The following MSI2 variants were observed in gnomAD, a reference collection of about 807,000 sequenced individuals.
The protein encoded by MSI2 is musashi RNA binding protein 2, also known as RNA-binding protein Musashi homolog 2.
Under a neutral mutation model 45.6 loss-of-function variants are expected in MSI2, and 17 were observed. That is an observed-to-expected ratio of 0.37 (90% CI 0.26 to 0.56). The LOEUF is 0.56. MSI2 is among the 20% of genes least tolerant of loss of function. The pLI, the probability that MSI2 is intolerant of heterozygous loss-of-function variation, is 0.77. For missense variants in MSI2, 293 were observed against 444.2 expected, an observed-to-expected ratio of 0.66 and a Z score of 3.06; for synonymous variants, 156 against 158.2, an observed-to-expected ratio of 0.99 and a Z score of 0.11.
intron 6 of MSI2, among the ~76,000 whole-genome samples, chr17:57,441,376 A>G (rs2084797469): frequency 6.6e-6 from 1 of 152,072 alleles, no homozygotes; most frequent in Non-Finnish European, 1.5e-5. Flanking sequence ...CCCATGCCCT[A>G]CACACTGCCT....
intron 5 of MSI2, among the ~76,000 whole-genome samples, chr17:57,315,133 G>A (rs1364881525): frequency 6.6e-6 from 1 of 152,182 alleles, no homozygotes; most frequent in Non-Finnish European, 1.5e-5. Flanking sequence ...AGAGTTTAAA[G>A]CAGGGGTGCG....
At chr17:57,558,977 A>G (rs1032354031) in intron 7 of MSI2, among the ~76,000 whole-genome samples, 9 of 152,222 alleles carry the variant, frequency 5.9e-5, no homozygotes, top group African/African-American at 2.2e-4. Context: ...CGGGAGAATC[A>G]CTTGAACCCA....
intron 8 of MSI2, among the ~76,000 whole-genome samples, chr17:57,612,865 A>G (rs1441774383): frequency 6.6e-6 from 1 of 152,208 alleles, no homozygotes; most frequent in Non-Finnish European, 1.5e-5. Flanking sequence ...GGTTAGCGGT[A>G]TTATTCCCCT....
In MSI2 at chr17:57,257,082, T is replaced by C. The variant is rs1906825802; in HGVS notation, c.63-16T>C. 1.2e-6 allele frequency: 2 copies of C among 1,600,462 alleles called. No homozygotes were observed. The highest frequency in any genetic ancestry group is 1.1e-5 in the South Asian group (1 of 90,422). ...CTGACATCGGTGCTCACTTCTGTTA[T>C]GTTTTCTCCCTCTAGTAAAATGTTT... On this transcript the variant is annotated splice_polypyrimidine_tract_variant and intron_variant, in intron 1 of 13. Coordinates refer to ENST00000284073, the MANE Select transcript of MSI2 (RefSeq NM_138962.4).
intron 6 of MSI2, among the ~76,000 whole-genome samples, chr17:57,409,900 C>T (rs1165428529): frequency 4.7e-5 from 7 of 149,324 alleles, no homozygotes; most frequent in Middle Eastern, 3.3e-3. Context: ...CCCAGCTACT[C>T]GGGAGGTTGA....
intron 10 of MSI2, 133 bp from the exon 11 acceptor site, chr17:57,651,966 C>A: frequency 1.3e-6 from 1 of 767,236 alleles, no homozygotes; most frequent in Non-Finnish European, 2.2e-6. Context: ...CTCTCAAAAG[C>A]TGCCCTGTGA....
At chr17:57,659,007 C>T (rs1180596574) in intron 11 of MSI2, among the ~76,000 whole-genome samples, 4 of 151,926 alleles carry the variant, frequency 2.6e-5, no homozygotes, top group Non-Finnish European at 1.5e-5. Context: ...AGCATGTGCC[C>T]GGGTGTATCA....
At chr17:57,504,198 G>A (rs1023869845) in intron 6 of MSI2, among the ~76,000 whole-genome samples, 1 of 152,134 alleles carries the variant, frequency 6.6e-6, no homozygotes, top group African/African-American at 2.4e-5. Flanking sequence ...TCTTCCTGCA[G>A]GGCACCCTCC....
In MSI2 at chr17:57,575,671, C is replaced by G. The variant is rs188614496; in HGVS notation, c.455-21197C>G. On this transcript the variant is annotated intron_variant, in intron 7 of 13. Transcript: ENST00000284073. ...GGTAGAAATTGGAAAAGGAGCCGGGCGCGGTGGCTCAGGCCTGTAATCCCA... is the reference window on the plus strand; with the variant it reads ...GGTAGAAATTGGAAAAGGAGCCGGGGGCGGTGGCTCAGGCCTGTAATCCCA... Among the ~76,000 whole-genome samples the G allele has an allele frequency of 8.0e-4, 122 of 152,198 alleles. No individual in the cohort carries two copies. The East Asian group carries it at 0.022, about 28-fold the overall frequency.
rs952294593 is a variant in MSI2 at position 57,612,025 on chromosome 17, A to G, written c.538-3945A>G. ...AGTACATGACTAGAACCGAAAAGAT[A>G]GACCACTTTTTACCCTTTTTGGGTT... On this transcript the variant is annotated intron_variant, in intron 8 of 13. Transcript: ENST00000284073. Among the ~76,000 whole-genome samples, 10 of 95,924 alleles carry G rather than the reference A, an allele frequency of 1.0e-4. 4 individuals carry two copies. The highest frequency in any genetic ancestry group is 2.3e-4 in the Non-Finnish European group (9 of 39,912). 62.9% of individuals were successfully genotyped at this position (95,924 alleles called of 152,430 possible).
chr17:57,468,370 A>T (rs1350425791), intron 6 of MSI2, among the ~76,000 whole-genome samples: 1 of 151,626 alleles, frequency 6.6e-6, no homozygotes, highest in Non-Finnish European at 1.5e-5. Context: ...ATACAAAAAA[A>T]ATTAGCCGGG....
chr17:57,663,115 G>C (rs1168359879), intron 11 of MSI2, among the ~76,000 whole-genome samples: 1 of 152,146 alleles, frequency 6.6e-6, no homozygotes, highest in East Asian at 1.9e-4. Context: ...CCCGGCCTTA[G>C]GGCTGGGAGG....
At chr17:57,659,581 G>A (rs923263515) in intron 11 of MSI2, among the ~76,000 whole-genome samples, 1 of 152,172 alleles carries the variant, frequency 6.6e-6, no homozygotes, top group Non-Finnish European at 1.5e-5. Flanking sequence ...GGTTACCGGA[G>A]AGCAAGGCTT....
At chr17:57,584,053 G>A (rs1274170515) in intron 7 of MSI2, among the ~76,000 whole-genome samples, 2 of 152,312 alleles carry the variant, frequency 1.3e-5, no homozygotes, top group East Asian at 3.9e-4. Context: ...CAGCTCCCTG[G>A]TGGTGTGGAT....
At chr17:57,592,407 A>C (rs2144428520) in intron 7 of MSI2, among the ~76,000 whole-genome samples, 1 of 152,334 alleles carries the variant, frequency 6.6e-6, no homozygotes, top group South Asian at 2.1e-4. Flanking sequence ...TCTGTGAAGT[A>C]AAAATGATTA....
In MSI2 at chr17:57,531,506, A is replaced by G. The variant is rs1046276067; in HGVS notation, c.454+1782A>G. On this transcript the variant is annotated intron_variant, in intron 7 of 13. Coordinates refer to ENST00000284073, the MANE Select transcript of MSI2 (RefSeq NM_138962.4). ...ATTCTGCTGTTTCTCTGCTGTGTCCAGATGGGAATGCATTTGTTAAAAAGA... is the reference window on the plus strand; with the variant it reads ...ATTCTGCTGTTTCTCTGCTGTGTCCGGATGGGAATGCATTTGTTAAAAAGA... Among the ~76,000 whole-genome samples the G allele has an allele frequency of 1.9e-4, 29 of 152,224 alleles. 1 individual carries two copies. The highest frequency in any genetic ancestry group is 7.0e-4 in the African/African-American group (29 of 41,458).
intron 5 of MSI2, among the ~76,000 whole-genome samples, chr17:57,314,908 T>A (rs937711927): frequency 6.6e-6 from 1 of 152,182 alleles, no homozygotes; most frequent in African/African-American, 2.4e-5. Context: ...GTAAATCATG[T>A]GCACAGTGAA....
chr17:57,582,131 G>A lies in MSI2; in HGVS notation c.455-14737G>A, dbSNP rs111767671. Among the ~76,000 whole-genome samples the A allele has an allele frequency of 4.1e-3, 629 of 152,186 alleles. 1 individual carries two copies. Among genetic ancestry groups the A allele is most frequent in the Admixed American group, 6.6e-3 (101 of 15,296 alleles). ...TTGGTGTGGGGAGGGGTCCACACCCGCTGGCAGTCACTGAAGGTCCCTGTT... is the reference window on the plus strand; with the variant it reads ...TTGGTGTGGGGAGGGGTCCACACCCACTGGCAGTCACTGAAGGTCCCTGTT... On this transcript the variant is annotated intron_variant, in intron 7 of 13. Coordinates refer to ENST00000284073, the MANE Select transcript of MSI2 (RefSeq NM_138962.4).
chr17:57,580,102 TCTC>T (rs1191144445), intron 7 of MSI2, among the ~76,000 whole-genome samples: 1 of 150,974 alleles, frequency 6.6e-6, no homozygotes, highest in Non-Finnish European at 1.5e-5. Context: ...TGACCAGCTG[TCTC>T]CTCTCTGTTC....
Sources: gnomAD v4.1 joint callset for allele counts (sites outside exome capture counted in the v4.1 genomes callset) on GRCh38, gnomAD v4.1.1 for gene constraint, MANE v1.5 for transcripts, NCBI Gene and HGNC (gene_info 2026-07-23, HGNC 2026-07-21) for gene names.